Variants in MERTK observed in about 807,000 individuals in gnomAD.
MERTK encodes tyrosine-protein kinase Mer.
MERTK carries 69 observed loss-of-function variants against 99.3 expected under a neutral mutation model. The ratio of observed to expected loss-of-function variants is 0.70; its 90% CI spans 0.57 to 0.85. The LOEUF (loss-of-function observed/expected upper bound fraction) is 0.85, where lower values mean the gene tolerates loss of function less well. Among genes scored for constraint, MERTK ranks in the 40% least tolerant of loss-of-function variants. MERTK has a pLI of 0.00. For synonymous variants in MERTK, 426 were observed against 467.6 expected, an observed-to-expected ratio of 0.91 and a Z score of 1.15; for missense variants, 1,125 against 1,249.4, an observed-to-expected ratio of 0.90 and a Z score of 1.50.
rs530314447 is a variant in MERTK, at chr2:111,971,861, G to C, written c.961-3428G>C. Among the ~76,000 whole-genome samples, 3 of 152,304 alleles carry C rather than the reference G, an allele frequency of 2.0e-5. No individual in the cohort carries two copies. The South Asian group carries it at 6.2e-4, about 32-fold the overall frequency. On this transcript the variant is annotated intron_variant, in intron 6 of 18. Coordinates refer to ENST00000295408, the MANE Select transcript of MERTK (RefSeq NM_006343.3). ...TCTTCTGTTGCCTTGCTGATACTCTGTCTCATGGTTCCATCTGTTATTGAA... is the reference window on the plus strand; with the variant it reads ...TCTTCTGTTGCCTTGCTGATACTCTCTCTCATGGTTCCATCTGTTATTGAA...
intron 2 of MERTK, among the ~76,000 whole-genome samples, chr2:111,930,985 G>A (rs939203355): frequency 6.6e-6 from 1 of 152,230 alleles, no homozygotes; most frequent in Admixed American, 6.5e-5. Flanking sequence ...CAGGGTGGAA[G>A]CAAGAGCCTT....
intron 10 of MERTK, among the ~76,000 whole-genome samples, chr2:112,000,690 T>C (rs1676850326): frequency 6.6e-6 from 1 of 152,192 alleles, no homozygotes; most frequent in African/African-American, 2.4e-5. Flanking sequence ...TTGCTGGGTT[T>C]CTCTACCATG....
intron 13 of MERTK, among the ~76,000 whole-genome samples, chr2:112,008,060 C>T (rs1250520204): frequency 6.6e-6 from 1 of 152,024 alleles, no homozygotes; most frequent in African/African-American, 2.4e-5. Context: ...TATTATTAAC[C>T]AGAGTCCATA....
chr2:111,900,683 G>A (rs1684026566), intron 1 of MERTK, among the ~76,000 whole-genome samples: 4 of 152,056 alleles, frequency 2.6e-5, no homozygotes, highest in African/African-American at 9.7e-5. Context: ...AGAATGAAAA[G>A]TTTCACCAAT....
At position 111,929,398 on chromosome 2, in the gene MERTK, A is replaced by G; in HGVS notation, c.340A>G (p.Asn114Asp). Residue 114 changes from asparagine (N) to aspartate (D), a missense_variant, in exon 2 of 19, where the codon AAT becomes GAT. Physicochemically the swap from Asn to Asp is conservative, Grantham distance 23. Transcript: ENST00000295408. ...TTCTGAACATAAAGGTGTCAAATTT[A>G]ATTGCTCAATCAGTGTACCTAATAT... ...ILSEHKGVKF[N>D]CSISVPNIYQ... 1 of 1,614,124 alleles carries G rather than the reference A, an allele frequency of 6.2e-7. No individual in the cohort carries two copies. Among genetic ancestry groups the G allele is most frequent in the Non-Finnish European group, 8.5e-7 (1 of 1,180,020 alleles).
At chr2:111,940,905 G>C (rs1329139882) in intron 2 of MERTK, 5 of 692,066 alleles carry the variant, frequency 7.2e-6, no homozygotes, top group Non-Finnish European at 1.4e-5. Context: ...AATTACCTCT[G>C]TCTTCAGTCT....
At chr2:112,020,541 G>C (rs1573647064) in intron 16 of MERTK, 3 of 470,044 alleles carry the variant, frequency 6.4e-6, no homozygotes, top group East Asian at 7.0e-5. Context: ...TGTAGGAGCT[G>C]TTTTAGTAGC....
rs770858923 is a variant in MERTK at position 111,982,993 on chromosome 2, C to T, written c.1296C>T (p.Ser432=). 1.1e-5 allele frequency: 17 copies of T among 1,612,716 alleles called. No homozygotes were observed. The highest frequency in any genetic ancestry group is 1.0e-4 in the Admixed American group (6 of 59,768). The change falls in exon 8 of 19, where the codon TCC becomes TCT. Residue 432 remains serine, a splice_region_variant and synonymous_variant. Coordinates refer to ENST00000295408, the MANE Select transcript of MERTK (RefSeq NM_006343.3). ...ISHVWQSAGI[S]KELLEEVGQN... ...ACGTGTGGCAGAGTGCAGGGATTTC[C>T]GTAAGTCTAAACCCTAGAAGAGCAC... is the stretch of plus-strand genomic sequence containing the variant.
intron 1 of MERTK, among the ~76,000 whole-genome samples, chr2:111,928,351 A>G (rs1167754938): frequency 1.3e-5 from 2 of 148,280 alleles, no homozygotes; most frequent in Non-Finnish European, 3.0e-5. Flanking sequence ...TCAGCCCCCC[A>G]AATAGCTGGG....
intron 15 of MERTK, among the ~76,000 whole-genome samples, chr2:112,017,438 T>A (rs1677240534): frequency 6.6e-6 from 1 of 152,158 alleles, no homozygotes; most frequent in African/African-American, 2.4e-5. Context: ...GAGACTGGCC[T>A]GGCCAACATG....
At chr2:111,909,401 T>C (rs753159315) in intron 1 of MERTK, among the ~76,000 whole-genome samples, 1 of 152,148 alleles carries the variant, frequency 6.6e-6, no homozygotes, top group African/African-American at 2.4e-5. Context: ...ACAGGCCTCA[T>C]TTAGGATTAA....
In MERTK at chr2:111,968,151, C is replaced by A; in HGVS notation, c.859C>A (p.Pro287Thr). The change falls in exon 6 of 19, where the codon CCA becomes ACA. Residue 287 changes from proline (P) to threonine (T), a missense_variant. Physicochemically the swap from Pro to Thr is conservative, Grantham distance 38. Coordinates refer to ENST00000295408, the MANE Select transcript of MERTK (RefSeq NM_006343.3). The part of the protein sequence containing the change: ...QINIKAIPSP[P>T]TEVSIRNSTA... ...GTTTTATGCAGCAATTCCCTCCCCA[C>A]CAACTGAAGTCAGCATCCGTAACAG... 1 of 1,613,604 alleles carries A rather than the reference C, an allele frequency of 6.2e-7. No homozygotes were observed. Among genetic ancestry groups the A allele is most frequent in the Non-Finnish European group, 8.5e-7 (1 of 1,179,656 alleles).
intron 1 of MERTK, among the ~76,000 whole-genome samples, chr2:111,900,455 A>C (rs1684021705): frequency 1.3e-5 from 2 of 152,178 alleles, no homozygotes; most frequent in African/African-American, 4.8e-5. Context: ...ATTTGTTGCT[A>C]CTAGTGAGGA....
chr2:111,995,879 G>A (rs182801484), intron 9 of MERTK, among the ~76,000 whole-genome samples: 1 of 152,244 alleles, frequency 6.6e-6, no homozygotes, highest in East Asian at 1.9e-4. Context: ...CCCAGGAGGT[G>A]GAGGTTGCAG....
At chr2:112,025,100 C>T (rs1256662089) in intron 18 of MERTK, among the ~76,000 whole-genome samples, 2 of 152,146 alleles carry the variant, frequency 1.3e-5, no homozygotes, top group East Asian at 1.9e-4. Context: ...GCACTGCCGC[C>T]GACTGTTGGC....
chr2:112,003,452 A>G, intron 12 of MERTK: 1 of 367,606 alleles, frequency 2.7e-6, no homozygotes, highest in Non-Finnish European at 5.0e-6. Flanking sequence ...CATGTAATTC[A>G]TTGAGTAGTT....
In MERTK at chr2:111,978,817, G is replaced by A. The variant is rs534073807; in HGVS notation, c.1144+3345G>A. ...AGATATTCTTCTATTTCTGTAAATA[G>A]TGAGCTTTGTTTTGAGACACAGTTA... On this transcript the variant is annotated intron_variant, in intron 7 of 18. Transcript: ENST00000295408. Among the ~76,000 whole-genome samples, 6 of 152,288 alleles carry A rather than the reference G, an allele frequency of 3.9e-5. No homozygotes were observed. In the South Asian group the frequency reaches 1.2e-3, roughly 32 times the overall value.
chr2:112,025,005 G>C (rs962550614), intron 18 of MERTK: 1 of 154,426 alleles, frequency 6.5e-6, no homozygotes, highest in Non-Finnish European at 1.5e-5. Flanking sequence ...AATAGTAAAC[G>C]TGAGGGAAAG....
At chr2:111,975,259 GC>G (rs769420342) in intron 6 of MERTK, 29 bp from the exon 7 acceptor site, 15 of 1,612,308 alleles carry the variant, frequency 9.3e-6, no homozygotes, top group Non-Finnish European at 1.2e-5. Context: ...CCTTACTAAT[GC>G]CCGGTCCTCA....
Sources: allele counts gnomAD v4.1 joint callset (sites outside exome capture counted in the v4.1 genomes callset), GRCh38; gene constraint gnomAD v4.1.1; transcripts MANE v1.5; gene names NCBI Gene and HGNC (gene_info 2026-07-23, HGNC 2026-07-21).